The following TFEC variants were observed in gnomAD, a reference collection of about 807,000 sequenced individuals.
The protein encoded by TFEC is class E basic helix-loop-helix protein 34.
Under a neutral mutation model 41.6 loss-of-function variants are expected in TFEC, and 31 were observed. The observed-to-expected ratio is 0.74, with a 90% CI of 0.56 to 1.01. The LOEUF (loss-of-function observed/expected upper bound fraction) is 1.01, where lower values mean the gene tolerates loss of function less well. Among genes scored for constraint, TFEC ranks in the 50% least tolerant of loss-of-function variants. The probability of loss-of-function intolerance (pLI) is 0.00; values close to 1 mark genes in which losing one functional copy is unlikely to be tolerated. For synonymous variants in TFEC, 143 were observed against 140.6 expected, an observed-to-expected ratio of 1.02 and a Z score of -0.12; for missense variants, 402 against 404.1, an observed-to-expected ratio of 0.99 and a Z score of 0.04.
intron 1 of TFEC, among the ~76,000 whole-genome samples, chr7:116,001,602 G>C (rs866435384): frequency 6.6e-6 from 1 of 151,772 alleles, no homozygotes; most frequent in Non-Finnish European, 1.5e-5. Flanking sequence ...TATTTTTTGA[G>C]TAATATCCCA....
chr7:116,077,183 G>A (rs1437426904), intron 3 of TFEC, among the ~76,000 whole-genome samples: 4 of 152,048 alleles, frequency 2.6e-5, no homozygotes, highest in African/African-American at 7.2e-5. Flanking sequence ...ACTAAGCTTC[G>A]TAAATGAAGG....
chr7:116,079,147 C>T (rs905389974), intron 3 of TFEC, among the ~76,000 whole-genome samples: 2 of 151,822 alleles, frequency 1.3e-5, no homozygotes, highest in South Asian at 4.1e-4. Context: ...TGATTAAAAC[C>T]CTCAGCAAAA....
chr7:116,064,525 G>A (rs1796647691), intron 3 of TFEC, among the ~76,000 whole-genome samples: 1 of 151,898 alleles, frequency 6.6e-6, no homozygotes, highest in African/African-American at 2.4e-5. Flanking sequence ...TGGCAGTTTT[G>A]GAAACTGAAA....
At chr7:116,114,634 C>T (rs1797933760) in intron 1 of TFEC, among the ~76,000 whole-genome samples, 2 of 152,002 alleles carry the variant, frequency 1.3e-5, no homozygotes, top group East Asian at 3.9e-4. Context: ...GATGAAGAGA[C>T]GTAGGTCCCC....
At chr7:116,032,016 T>C (rs113845493), upstream of TFEC, among the ~76,000 whole-genome samples, 33 of 152,282 alleles carry the variant, frequency 2.2e-4, no homozygotes, top group African/African-American at 7.9e-4. Context: ...AATTAGAGTT[T>C]AATACATTTG....
intron 1 of TFEC, among the ~76,000 whole-genome samples, chr7:115,991,182 T>A (rs936925380): frequency 1.3e-5 from 2 of 152,150 alleles, no homozygotes; most frequent in African/African-American, 4.8e-5. Context: ...ATGCTGAAGA[T>A]TTTGTCACCA....
At chr7:116,106,672 C>T (rs1296074866) in intron 3 of TFEC, among the ~76,000 whole-genome samples, 1 of 152,118 alleles carries the variant, frequency 6.6e-6, no homozygotes, top group East Asian at 1.9e-4. Context: ...AGGCATGAGC[C>T]ACCGTGCCTG....
chr7:116,091,054 T>G (rs1286345357), intron 3 of TFEC, among the ~76,000 whole-genome samples: 2 of 152,058 alleles, frequency 1.3e-5, no homozygotes, highest in African/African-American at 2.4e-5. Flanking sequence ...TCATGGCACA[T>G]GTGTACCTAT....
chr7:115,945,013 G>C (rs1040275214), intron 6 of TFEC, among the ~76,000 whole-genome samples: 3 of 148,534 alleles, frequency 2.0e-5, no homozygotes, highest in Non-Finnish European at 4.5e-5. Context: ...TCTCATACTA[G>C]ATAATTGTAT....
intron 1 of TFEC, among the ~76,000 whole-genome samples, chr7:115,991,597 T>C (rs1413238561): frequency 6.6e-6 from 1 of 152,064 alleles, no homozygotes; most frequent in Non-Finnish European, 1.5e-5. Context: ...TAAACAGACT[T>C]TAAACCAACA....
intron 1 of TFEC, among the ~76,000 whole-genome samples, chr7:116,001,550 A>T (rs1230183692): frequency 6.6e-6 from 1 of 151,912 alleles, no homozygotes; most frequent in Non-Finnish European, 1.5e-5. Context: ...AACAAACAAA[A>T]AAAACATTGG....
intron 3 of TFEC, among the ~76,000 whole-genome samples, chr7:116,085,352 A>G (rs1797179558): frequency 6.6e-6 from 1 of 151,938 alleles, no homozygotes; most frequent in South Asian, 2.1e-4. Flanking sequence ...TTTTAAACCA[A>G]GAGAGAAGTG....
chr7:116,030,750 C>A lies in TFEC; in HGVS notation c.-190G>T. 1 of 985,280 alleles carries A rather than the reference C, an allele frequency of 1.0e-6. No individual in the cohort carries two copies. Among genetic ancestry groups the A allele is most frequent in the Non-Finnish European group, 1.2e-6 (1 of 829,924 alleles). 61.0% of individuals were successfully genotyped at this position (985,280 alleles called of 1,614,324 possible). ...GGACAACCAAAGTAAACGATCTAGC[C>A]GTGAGTAATGAATACTTTGGGCTGG... On this transcript the variant is annotated 5_prime_UTR_variant, in exon 1 of 8. Transcript: ENST00000265440.
intron 1 of TFEC, among the ~76,000 whole-genome samples, chr7:116,000,456 G>C (rs1212059917): frequency 1.3e-5 from 2 of 152,036 alleles, no homozygotes; most frequent in African/African-American, 2.4e-5. Flanking sequence ...AATCAGACAA[G>C]AGAAAGAAAT....
In TFEC at chr7:115,939,891, G is replaced by C. The variant is rs915985618; in HGVS notation, c.*660C>G. The C allele has an allele frequency of 1.3e-4, 20 of 151,978 alleles. No individual in the cohort carries two copies. Among genetic ancestry groups the C allele is most frequent in the Non-Finnish European group, 2.9e-5 (2 of 67,980 alleles). The allele number at this position is 151,978 out of a possible 1,614,324, so 9.4% of individuals were successfully genotyped here. A position where few individuals can be genotyped will look rare whatever the true frequency, so the allele number is the denominator to read the frequency against. On this transcript the variant is annotated 3_prime_UTR_variant, in exon 8 of 8. Transcript: ENST00000265440. ...ATATAAATATGCATGGATGCTTTTA[G>C]AATTAGTGTAATTGAACCAACTACA...
chr7:116,151,861 T>C (rs1798769569), intron 1 of TFEC, among the ~76,000 whole-genome samples: 2 of 152,172 alleles, frequency 1.3e-5, no homozygotes, highest in South Asian at 4.1e-4. Context: ...ATATTTGTTT[T>C]CCATCCATAC....
At chr7:115,968,248 C>T (rs1203149162) in intron 3 of TFEC, 2 of 1,530,404 alleles carry the variant, frequency 1.3e-6, no homozygotes, top group African/African-American at 2.8e-5. Flanking sequence ...TCTCCTTCAT[C>T]ATTTTCTTTT....
chr7:116,026,528 T>C (rs1162805316), intron 1 of TFEC, among the ~76,000 whole-genome samples: 2 of 152,248 alleles, frequency 1.3e-5, no homozygotes, highest in Non-Finnish European at 2.9e-5. Flanking sequence ...TAACTAACCT[T>C]ACATAGATAT....
chr7:115,946,435 G>T (rs1235162471), intron 6 of TFEC, among the ~76,000 whole-genome samples: 1 of 149,126 alleles, frequency 6.7e-6, no homozygotes, highest in Admixed American at 6.7e-5. Flanking sequence ...GTGTGTGTGT[G>T]TGTAGGGTCT....
Sources: gnomAD v4.1 joint callset for allele counts (sites outside exome capture counted in the v4.1 genomes callset) on GRCh38, gnomAD v4.1.1 for gene constraint, MANE v1.5 for transcripts, NCBI Gene and HGNC (gene_info 2026-07-23, HGNC 2026-07-21) for gene names.